The following AKAP13 variants were observed in gnomAD, a reference collection of about 807,000 sequenced individuals.
The protein encoded by AKAP13 is A-kinase anchor protein 13.
In AKAP13, 80 loss-of-function variants were observed where a neutral mutation model predicts 264.5. That is an observed-to-expected ratio of 0.30 (90% confidence interval 0.25 to 0.36). The LOEUF (loss-of-function observed/expected upper bound fraction) is 0.36, where lower values mean the gene tolerates loss of function less well. AKAP13 is among the 10% of genes least tolerant of loss of function. The pLI is 1.00. For missense variants in AKAP13, 3,712 were observed against 3,435.2 expected (o/e 1.08, Z -2.01); for synonymous variants, 1,380 against 1,250.2 (o/e 1.10, Z -2.19).
rs1339054396 is a variant in AKAP13 at position 85,553,083 on chromosome 15, T to TC, written c.662+9129dup. ...TTTAATATAATCTAACATCTGTAAT[T>TC]CTTTTTTTTTTTTTTTTTTGGAGAC... On this transcript the variant is annotated intron_variant, in intron 5 of 36. Coordinates refer to ENST00000394518, the MANE Select transcript of AKAP13 (RefSeq NM_007200.5). Among the ~76,000 whole-genome samples, 25 of 139,020 alleles carry TC rather than the reference T, an allele frequency of 1.8e-4. No homozygotes were observed. In the East Asian group the frequency reaches 4.5e-3, roughly 25 times the overall value. The allele number at this position is 139,020 out of a possible 152,430, so 91.2% of individuals were successfully genotyped here. A position where few individuals can be genotyped will look rare whatever the true frequency, so the allele number is the denominator to read the frequency against.
At chr15:85,436,675 G>A (rs1486138141) in intron 1 of AKAP13, among the ~76,000 whole-genome samples, 2 of 146,512 alleles carry the variant, frequency 1.4e-5, no homozygotes, top group African/African-American at 5.0e-5. Flanking sequence ...ACTCAAAGCC[G>A]CTCAACTACA....
At chr15:85,534,108 A>G (rs990398657) in intron 4 of AKAP13, 3 of 465,006 alleles carry the variant, frequency 6.5e-6, no homozygotes, top group African/African-American at 6.0e-5. Flanking sequence ...ACCCAAGGAG[A>G]GTGGCACGTC....
intron 9 of AKAP13, among the ~76,000 whole-genome samples, chr15:85,643,975 C>T (rs561783367): frequency 3.3e-5 from 5 of 152,264 alleles, no homozygotes; most frequent in African/African-American, 7.2e-5. Flanking sequence ...TTTGGATGCC[C>T]GTGTACTATT....
chr15:85,619,837 T>C, intron 8 of AKAP13: 2 of 1,334,570 alleles, frequency 1.5e-6, no homozygotes, highest in Non-Finnish European at 1.9e-6. Flanking sequence ...ATATTATGAG[T>C]TCTACATTCA....
At chr15:85,534,809 C>G (rs897021186) in intron 4 of AKAP13, 8 of 152,126 alleles carry the variant, frequency 5.3e-5, no homozygotes, top group Non-Finnish European at 1.2e-4. Flanking sequence ...CCACATAATT[C>G]TAGTAGCCAA....
At position 85,576,748 on chromosome 15, in the gene AKAP13, G is replaced by A. The variant is rs142332443; in HGVS notation, c.861+1419G>A. On this transcript the variant is annotated intron_variant, in intron 6 of 36. Transcript: ENST00000394518. ...TAGAATTGTGTTTGTTCCAGAGCACGTGACATTTCATTTTCCTCTGAATGG... is the reference window on the plus strand; with the variant it reads ...TAGAATTGTGTTTGTTCCAGAGCACATGACATTTCATTTTCCTCTGAATGG... Among the ~76,000 whole-genome samples, 20 of 152,314 alleles carry A rather than the reference G, an allele frequency of 1.3e-4. 1 individual carries two copies. The East Asian group carries it at 3.1e-3, about 24-fold the overall frequency.
chr15:85,721,793 A>G (rs575314566), intron 23 of AKAP13, among the ~76,000 whole-genome samples, 198 bp from the exon 24 acceptor site: 3 of 152,378 alleles, frequency 2.0e-5, no homozygotes, highest in Non-Finnish European at 2.9e-5. Context: ...TCCATATGCC[A>G]TATAGTCTAC....
chr15:85,469,702 C>T (rs1413382205), intron 1 of AKAP13, among the ~76,000 whole-genome samples: 2 of 152,208 alleles, frequency 1.3e-5, no homozygotes, highest in African/African-American at 2.4e-5. Flanking sequence ...ACACATTAGA[C>T]CCCTGAACAG....
At chr15:85,560,188 C>A (rs2078318122) in intron 5 of AKAP13, among the ~76,000 whole-genome samples, 1 of 148,166 alleles carries the variant, frequency 6.7e-6, no homozygotes, top group African/African-American at 2.5e-5. Flanking sequence ...ATTAATTCTT[C>A]CTCTTGCTGG....
At chr15:85,396,075 A>G (rs2071097682) in intron 1 of AKAP13, among the ~76,000 whole-genome samples, 2 of 152,150 alleles carry the variant, frequency 1.3e-5, no homozygotes, top group South Asian at 4.1e-4. Context: ...ACATGTATAT[A>G]TTAAACTTAA....
Position 85,619,796 on chromosome 15 carries a change from A to C in AKAP13, c.4162-19578A>C, listed in dbSNP as rs192722909. On this transcript the variant is annotated intron_variant, in intron 8 of 36. Coordinates refer to ENST00000394518, the MANE Select transcript of AKAP13 (RefSeq NM_007200.5). ...CTTCTCTTTCAGTCAAGATCTGCAC[A>C]AAGTATAGCATTAGGTGGTATTTAT... The C allele has an allele frequency of 5.3e-6, 6 of 1,129,254 alleles. No individual in the cohort carries two copies. In the East Asian group the frequency reaches 2.0e-4, roughly 37 times the overall value. 70.0% of individuals were successfully genotyped at this position (1,129,254 alleles called of 1,614,324 possible).
rs1391069984 is a variant in AKAP13 at position 85,723,202 on chromosome 15, T to C, written c.6627T>C (p.Asp2209=). Reference sequence around the variant, plus strand: ...TCAATGAGATTTATACAAAGACAGATAGCAAGTCAATCATGAGGATGAAGA... The same window carrying C: ...TCAATGAGATTTATACAAAGACAGACAGCAAGTCAATCATGAGGATGAAGA... The part of the protein sequence containing the change: ...VRLNEIYTKT[D]SKSIMRMKSG... The change falls in exon 26 of 37, where the codon GAT becomes GAC. Residue 2209 remains aspartate, a synonymous_variant. Coordinates refer to ENST00000394518, the MANE Select transcript of AKAP13 (RefSeq NM_007200.5). The C allele has an allele frequency of 4.3e-6, 7 of 1,614,160 alleles. No individual in the cohort carries two copies. The South Asian group carries it at 4.4e-5, about 10-fold the overall frequency.
At chr15:85,408,020 A>G (rs1015733432) in intron 1 of AKAP13, among the ~76,000 whole-genome samples, 1 of 151,682 alleles carries the variant, frequency 6.6e-6, no homozygotes, top group African/African-American at 2.4e-5. Context: ...GATGGTGGGA[A>G]TTAGGAGGTG....
intron 9 of AKAP13, among the ~76,000 whole-genome samples, chr15:85,644,128 CTCA>C (rs1221056228): frequency 5.3e-5 from 8 of 152,138 alleles, no homozygotes; most frequent in Non-Finnish European, 8.8e-5. Flanking sequence ...TGCCCTGTCC[CTCA>C]TCATTTAGTG....
At chr15:85,404,514 C>A (rs1232507034) in intron 1 of AKAP13, among the ~76,000 whole-genome samples, 1 of 152,222 alleles carries the variant, frequency 6.6e-6, no homozygotes, top group Admixed American at 6.5e-5. Flanking sequence ...CCTAGGGACA[C>A]ACAAAATGTT....
intron 1 of AKAP13, among the ~76,000 whole-genome samples, chr15:85,385,406 C>G (rs890511893): frequency 3.6e-4 from 55 of 152,274 alleles, no homozygotes; most frequent in African/African-American, 1.3e-3. Context: ...AGTTTACATT[C>G]ACTAAAATTC....
chr15:85,406,429 T>G, intron 1 of AKAP13, among the ~76,000 whole-genome samples: 2 of 147,154 alleles, frequency 1.4e-5, no homozygotes, highest in Non-Finnish European at 3.0e-5. Context: ...GGAGCTGCAG[T>G]TCCACTGTGT....
chr15:85,730,446 G>A (rs1222952789), intron 29 of AKAP13, 67 bp from the exon 30 acceptor site: 13 of 1,522,836 alleles, frequency 8.5e-6, no homozygotes, highest in South Asian at 7.2e-5. Flanking sequence ...GGTGGTGCTC[G>A]TGTCTTAGTC....
intron 1 of AKAP13, among the ~76,000 whole-genome samples, chr15:85,477,898 G>A (rs1162080035): frequency 4.6e-5 from 7 of 152,030 alleles, no homozygotes; most frequent in Non-Finnish European, 7.4e-5. Flanking sequence ...GATCCCCTGC[G>A]TGCACTTCCT....
Sources: gnomAD v4.1 joint callset for allele counts (sites outside exome capture counted in the v4.1 genomes callset) on GRCh38, gnomAD v4.1.1 for gene constraint, MANE v1.5 for transcripts, NCBI Gene and HGNC (gene_info 2026-07-23, HGNC 2026-07-21) for gene names.